MYO18A: variants seen among roughly 807,000 people sequenced by gnomAD.
MYO18A encodes unconventional myosin-XVIIIa.
A neutral mutation model predicts 235.8 loss-of-function variants in MYO18A; 78 were observed. That is an observed-to-expected ratio of 0.33 (90% CI 0.28 to 0.40). MYO18A has a LOEUF of 0.40. Among genes scored for constraint, MYO18A ranks in the 10% least tolerant of loss-of-function variants. The pLI is 1.00. For missense variants in MYO18A, 2,215 were observed against 2,699.3 expected, an observed-to-expected ratio of 0.82 and a Z score of 3.98; for synonymous variants, 977 against 1,077.8, an observed-to-expected ratio of 0.91 and a Z score of 1.83.
At position 29,107,088 on chromosome 17, in the gene MYO18A, C is replaced by T. The variant is rs1380552088; in HGVS notation, c.3433G>A (p.Glu1145Lys). The T allele has an allele frequency of 2.5e-6, 4 of 1,614,014 alleles. No individual in the cohort carries two copies. In the East Asian group the frequency reaches 8.9e-5, roughly 36 times the overall value. Residue 1145 changes from glutamate (E) to lysine (K), a missense_variant, in exon 20 of 42, where the codon GAA becomes AAA. By Grantham distance (56) the Glu-to-Lys change is moderately conservative. Transcript: ENST00000527372. ...KHGRNYIVVD[E>K]RRAVEELLEC... Reference sequence around the variant, plus strand: ...TGGGGACCTGGACCTACCCGCCTTTCATCCACCACGATGTAGTTACGCCCG... The same window carrying T: ...TGGGGACCTGGACCTACCCGCCTTTTATCCACCACGATGTAGTTACGCCCG...
chr17:29,098,744 C>T (rs569052752), intron 23 of MYO18A, 82 bp downstream of exon 23: 264 of 1,545,708 alleles, frequency 1.7e-4, no homozygotes, highest in Admixed American at 5.5e-4. Flanking sequence ...CTGGACTAAA[C>T]GAAGAAGCGC....
chr17:29,116,792 G>A (rs1275897296), intron 10 of MYO18A, among the ~76,000 whole-genome samples: 1 of 134,866 alleles, frequency 7.4e-6, no homozygotes, highest in Non-Finnish European at 1.5e-5. Flanking sequence ...CATTGTTTGA[G>A]AAGATCGCTG....
At chr17:29,132,272 G>A (rs1346673443) in intron 2 of MYO18A, among the ~76,000 whole-genome samples, 1 of 152,236 alleles carries the variant, frequency 6.6e-6, no homozygotes, top group Non-Finnish European at 1.5e-5. Flanking sequence ...TGATGTGGAA[G>A]CTCTGAAGGT....
intron 28 of MYO18A, among the ~76,000 whole-genome samples, chr17:29,096,147 C>T (rs2066513800): frequency 6.6e-6 from 1 of 152,208 alleles, no homozygotes; most frequent in African/African-American, 2.4e-5. Context: ...GCAACCAGTG[C>T]CTCTGCTGAG....
intron 2 of MYO18A, chr17:29,131,545 G>T: frequency 2.2e-6 from 1 of 453,324 alleles, no homozygotes; most frequent in Non-Finnish European, 2.9e-6. Flanking sequence ...ACCCTGAGGT[G>T]GAGCTCCTGA....
At chr17:29,080,723 GC>G in intron 41 of MYO18A, 1 of 985,552 alleles carries the variant, frequency 1.0e-6, no homozygotes, top group Non-Finnish European at 1.2e-6. Flanking sequence ...CGCTTCTGCG[GC>G]CCCCGGCCAG....
At chr17:29,179,277 C>T (rs1242443720) in intron 1 of MYO18A, among the ~76,000 whole-genome samples, 1 of 151,674 alleles carries the variant, frequency 6.6e-6, no homozygotes, top group Non-Finnish European at 1.5e-5. Context: ...CACCCCCCAC[C>T]TCTAGCTCAT....
At chr17:29,154,008 C>G (rs1174886691) in intron 2 of MYO18A, among the ~76,000 whole-genome samples, 1 of 152,170 alleles carries the variant, frequency 6.6e-6, no homozygotes, top group Non-Finnish European at 1.5e-5. Context: ...AAGCCAGCTG[C>G]TTTCCTCTGG....
At chr17:29,135,061 A>G (rs1207439011) in intron 2 of MYO18A, among the ~76,000 whole-genome samples, 1 of 151,786 alleles carries the variant, frequency 6.6e-6, no homozygotes, top group African/African-American at 2.4e-5. Flanking sequence ...GCATCCAAAG[A>G]ATCAGGGCAC....
chr17:29,134,333 T>C (rs2067543214), intron 2 of MYO18A, among the ~76,000 whole-genome samples: 1 of 152,202 alleles, frequency 6.6e-6, no homozygotes, highest in African/African-American at 2.4e-5. Flanking sequence ...TCCACCCGCC[T>C]TGGCGTCCTA....
In MYO18A at chr17:29,115,658, G is replaced by C. The variant is rs765869620; in HGVS notation, c.2227+6C>G. On this transcript the variant is annotated splice_donor_region_variant and intron_variant, in intron 12 of 41. Transcript: ENST00000527372. ...TCACAACTACCAGCCAAGGGACAAAGGGTACCTGTCCCATCTCCCAGGCCA... is the reference window on the plus strand; with the variant it reads ...TCACAACTACCAGCCAAGGGACAAACGGTACCTGTCCCATCTCCCAGGCCA... The C allele has an allele frequency of 1.9e-6, 3 of 1,589,150 alleles. No individual in the cohort carries two copies. The highest frequency in any genetic ancestry group is 2.6e-6 in the Non-Finnish European group (3 of 1,168,378).
At chr17:29,079,759 C>G (rs1568034565) in intron 41 of MYO18A, 1 of 986,094 alleles carries the variant, frequency 1.0e-6, no homozygotes, top group Non-Finnish European at 1.2e-6. Context: ...GTACAGGTAC[C>G]GCATCATCAG....
At chr17:29,171,332 G>A (rs1462500164) in intron 1 of MYO18A, among the ~76,000 whole-genome samples, 1 of 152,084 alleles carries the variant, frequency 6.6e-6, no homozygotes, top group Non-Finnish European at 1.5e-5. Context: ...AGCTACTAGG[G>A]AGGCTGAGGC....
At chr17:29,075,470 CT>C (rs2065952317) in intron 41 of MYO18A, 1 of 167,376 alleles carries the variant, frequency 6.0e-6, no homozygotes, top group Admixed American at 6.5e-5. Context: ...GAATTTTCAG[CT>C]TTGACCATGC....
Position 29,166,606 on chromosome 17 carries a change from C to A in MYO18A, c.335G>T (p.Ser112Ile). 6.2e-7 allele frequency: 1 copy of A among 1,613,924 alleles called. No homozygotes were observed. Among genetic ancestry groups the A allele is most frequent in the Non-Finnish European group, 8.5e-7 (1 of 1,179,880 alleles). The change falls in exon 2 of 42, where the codon AGC (serine) becomes ATC (isoleucine). Residue 112 changes from serine to isoleucine, a missense_variant. Physicochemically the swap from Ser to Ile is moderately radical, Grantham distance 142 (BLOSUM62 -2). Transcript: ENST00000527372. ...CCGCTGCAGCACCGAGCCACGGAAG[C>A]TACCCTCCTCACCCTTGAGGTCATC... ...SSDDLKGEEG[S>I]FRGSVLQRAA... is the part of the protein sequence containing the mutation.
At chr17:29,147,539 C>CAAAAAA (rs1235519314) in intron 2 of MYO18A, among the ~76,000 whole-genome samples, 18 of 150,782 alleles carry the variant, frequency 1.2e-4, no homozygotes, top group African/African-American at 4.4e-4. Flanking sequence ...AAAACAAAAA[C>CAAAAAA]CAAAAAACAT....
At chr17:29,114,855 G>T in intron 14 of MYO18A, 52 bp downstream of exon 14, 1 of 1,561,118 alleles carries the variant, frequency 6.4e-7, no homozygotes. Context: ...CCCTCGCTGT[G>T]GGTGCCAAGG....
Position 29,094,966 on chromosome 17 carries a change from A to T in MYO18A, c.4479T>A (p.Ala1493=). The T allele has an allele frequency of 6.2e-7, 1 of 1,608,640 alleles. No homozygotes were observed. Among genetic ancestry groups the T allele is most frequent in the East Asian group, 2.2e-5 (1 of 44,754 alleles). Residue 1493 remains alanine (A), a synonymous_variant, in exon 29 of 42, where the codon GCT becomes GCA. Transcript: ENST00000527372. The part of the protein sequence containing the change: ...KLQREKDMLL[A]EAFSLKQQLE... ...GTTGCTGCTTCAGGCTGAAAGCCTC[A>T]GCGAGGAGCATGTCCTTCTCCCGCT...
chr17:29,152,317 T>C (rs2067978241), intron 2 of MYO18A, among the ~76,000 whole-genome samples: 1 of 152,108 alleles, frequency 6.6e-6, no homozygotes, highest in African/African-American at 2.4e-5. Flanking sequence ...TAGGGTGAGT[T>C]TGTTCAAATG....
Sources: gnomAD v4.1 joint callset for allele counts (sites outside exome capture counted in the v4.1 genomes callset) on GRCh38, gnomAD v4.1.1 for gene constraint, MANE v1.5 for transcripts, NCBI Gene and HGNC (gene_info 2026-07-23, HGNC 2026-07-21) for gene names.